The following NID1 variants were observed in gnomAD, a reference collection of about 807,000 sequenced individuals.
NID1 encodes nidogen-1.
In NID1, 76 loss-of-function variants were observed where a neutral mutation model predicts 130.6. The ratio of observed to expected loss-of-function variants is 0.58; its 90% CI spans 0.48 to 0.70. The LOEUF (loss-of-function observed/expected upper bound fraction) is 0.70. Among genes scored for constraint, NID1 ranks in the 30% least tolerant of loss-of-function variants. The pLI is 0.00. For synonymous variants in NID1, 665 were observed against 675.1 expected, an observed-to-expected ratio of 0.98 and a Z score of 0.23; for missense variants, 1,517 against 1,664.8, an observed-to-expected ratio of 0.91 and a Z score of 1.54.
At chr1:236,031,398 G>A (rs10803237) in intron 6 of NID1, among the ~76,000 whole-genome samples, 57,757 of 152,094 alleles carry the variant, frequency 0.38, 11,994 homozygotes, top group African/African-American at 0.54. Flanking sequence ...GATTACTGGC[G>A]TGAGCCACCA....
chr1:236,064,686 A>G, intron 1 of NID1, 169 bp downstream of exon 1: 1 of 657,636 alleles, frequency 1.5e-6, no homozygotes, highest in Non-Finnish European at 2.7e-6. Context: ...CGGGTCGGGA[A>G]GACCTTCGCG....
rs16833065 is a variant in NID1 at position 235,991,785 on chromosome 1, A to C, written c.2756-727T>G. 3.3e-3 allele frequency among the ~76,000 whole-genome samples: 507 copies of C among 152,304 alleles called. 3 individuals are homozygous for C. The highest frequency in any genetic ancestry group is 0.012 in the African/African-American group (481 of 41,558). ...CTGAACTCCCTGCCCACAGGGAGCCAGGTTCTAGTGCAAACTATTGAGCTT... is the reference window on the plus strand; with the variant it reads ...CTGAACTCCCTGCCCACAGGGAGCCCGGTTCTAGTGCAAACTATTGAGCTT... On this transcript the variant is annotated intron_variant, in intron 13 of 19. Transcript: ENST00000264187.
intron 1 of NID1, among the ~76,000 whole-genome samples, chr1:236,052,223 C>A (rs188225611): frequency 7.5e-4 from 115 of 152,360 alleles, no homozygotes; most frequent in Non-Finnish European, 1.3e-3. Context: ...GTGCAAGTCT[C>A]ATTTTGCAAA....
At chr1:235,990,842 A>C (rs1189806931) in intron 14 of NID1, 44 bp downstream of exon 14, 3 of 1,608,606 alleles carry the variant, frequency 1.9e-6, no homozygotes, top group African/African-American at 2.7e-5. Context: ...TTTCCAGGTC[A>C]CTGAAGCAGG....
chr1:236,063,281 G>A (rs1660093468), intron 1 of NID1, among the ~76,000 whole-genome samples: 1 of 151,794 alleles, frequency 6.6e-6, no homozygotes, highest in African/African-American at 2.4e-5. Flanking sequence ...AGACTAGCCT[G>A]GCCAACATGG....
At chr1:236,023,953 C>T (rs1658845712) in intron 9 of NID1, 117 bp downstream of exon 9, 9 of 1,338,548 alleles carry the variant, frequency 6.7e-6, no homozygotes, top group Non-Finnish European at 7.2e-6. Context: ...GGCATGTCCA[C>T]CAGTATTTAT....
At chr1:236,015,240 C>T (rs1044375766) in intron 10 of NID1, among the ~76,000 whole-genome samples, 4 of 152,224 alleles carry the variant, frequency 2.6e-5, no homozygotes, top group African/African-American at 9.7e-5. Flanking sequence ...TACTCAGTGA[C>T]AAGCCAGAGT....
chr1:235,979,553 A>G lies in NID1; in HGVS notation c.3509+269T>C, dbSNP rs1657370444. Reference sequence around the variant, plus strand: ...AAGAACAGACGTGCTGAGGAAGTCCAGGTTTAAAGACTTGAAACCACACAG... The same window carrying G: ...AAGAACAGACGTGCTGAGGAAGTCCGGGTTTAAAGACTTGAAACCACACAG... On this transcript the variant is annotated intron_variant, in intron 18 of 19. Coordinates refer to ENST00000264187, the MANE Select transcript of NID1 (RefSeq NM_002508.3). This position sits in a 1 kb window ranked among gnomAD's most constrained non-coding sequence, Gnocchi z 4.6. Among the ~76,000 whole-genome samples the G allele has an allele frequency of 6.6e-6, 1 of 152,362 alleles. No homozygotes were observed. The highest frequency in any genetic ancestry group is 6.5e-5 in the Admixed American group (1 of 15,306).
At chr1:236,013,310 T>C (rs1295022341) in intron 11 of NID1, 101 bp downstream of exon 11, 2 of 1,273,236 alleles carry the variant, frequency 1.6e-6, no homozygotes, top group Non-Finnish European at 2.2e-6. Flanking sequence ...AGAAGAATTC[T>C]TTCTTCTATT....
chr1:236,012,063 C>A lies in NID1; in HGVS notation c.2405-20G>T, dbSNP rs1418103431. On this transcript the variant is annotated intron_variant, in intron 11 of 19. Transcript: ENST00000264187. ...CTACATCTGTAAAACAGCCACCAGGCCCAGGGACAATGAGATTTCTTCTGG... is the reference window on the plus strand; with the variant it reads ...CTACATCTGTAAAACAGCCACCAGGACCAGGGACAATGAGATTTCTTCTGG... 1.2e-6 allele frequency: 2 copies of A among 1,602,366 alleles called. No homozygotes were observed. The highest frequency in any genetic ancestry group is 2.7e-5 in the African/African-American group (2 of 74,754).
intron 3 of NID1, among the ~76,000 whole-genome samples, chr1:236,043,537 A>G (rs1027982908): frequency 5.0e-4 from 76 of 152,194 alleles, no homozygotes; most frequent in South Asian, 2.1e-3. Flanking sequence ...GGTGGCTCAC[A>G]CCTGTAATCC....
Position 236,017,153 on chromosome 1 carries a change from C to T in NID1, c.2249G>A (p.Cys750Tyr), listed in dbSNP as rs1252173011. The T allele has an allele frequency of 2.5e-6, 4 of 1,614,068 alleles. No individual in the cohort carries two copies. In the South Asian group the frequency reaches 4.4e-5, roughly 18 times the overall value. Residue 750 changes from cysteine to tyrosine, a missense_variant, in exon 10 of 20, where the codon TGT (cysteine) becomes TAT (tyrosine). Cys to Tyr is a radical substitution (Grantham distance 194). Around this residue, in one of 3 missense-constraint regions of NID1, gnomAD observed 1,329 missense variants for 1,429.2 expected, o/e 0.93. Transcript: ENST00000264187. The stretch of plus-strand genomic sequence containing the variant: ...AAGTTACCTGGAGAACTTACCCACA[C>T]ACGTTCCCTCATCTGAAAACTGGTA... Reference protein sequence around the residue: ...EGYQFSDEGTCVAVVDQRPIN... With the variant: ...EGYQFSDEGTYVAVVDQRPIN...
At chr1:236,001,033 C>T (rs2102807534) in intron 12 of NID1, among the ~76,000 whole-genome samples, 1 of 152,260 alleles carries the variant, frequency 6.6e-6, no homozygotes, top group South Asian at 2.1e-4. Flanking sequence ...TGAGCATGCA[C>T]CTCTGGGACA....
chr1:235,995,628 C>T (rs1322350080), intron 12 of NID1, among the ~76,000 whole-genome samples: 1 of 152,230 alleles, frequency 6.6e-6, no homozygotes, highest in East Asian at 1.9e-4. Flanking sequence ...CCAGGCCTTT[C>T]CACGTGCTAT....
In NID1 at chr1:236,016,632, G is replaced by A. The variant is rs571602767; in HGVS notation, c.2254+516C>T. On this transcript the variant is annotated intron_variant, in intron 10 of 19. Coordinates refer to ENST00000264187, the MANE Select transcript of NID1 (RefSeq NM_002508.3). The stretch of plus-strand genomic sequence containing the variant: ...AGCATAATTAACCTAATTAATAGCC[G>A]CAACTTACTTCTATAAGGCTAAGAA... 1.1e-4 allele frequency among the ~76,000 whole-genome samples: 17 copies of A among 152,210 alleles called. 1 individual carries two copies. Among genetic ancestry groups the A allele is most frequent in the African/African-American group, 2.6e-4 (11 of 41,530 alleles).
At chr1:236,064,733 G>C in intron 1 of NID1, 122 bp downstream of exon 1, 1 of 814,568 alleles carries the variant, frequency 1.2e-6, no homozygotes, top group Non-Finnish European at 1.9e-6. Flanking sequence ...GCCGTGCCCG[G>C]TGCCCCGGCG....
chr1:236,016,016 A>G (rs1181884498), intron 10 of NID1, among the ~76,000 whole-genome samples: 1 of 152,154 alleles, frequency 6.6e-6, no homozygotes, highest in Non-Finnish European at 1.5e-5. Context: ...CCAAGGGATA[A>G]AGTATCCACT....
Position 235,979,919 on chromosome 1 carries a change from G to A in NID1, c.3412C>T (p.Pro1138Ser). The A allele has an allele frequency of 6.2e-7, 1 of 1,614,100 alleles. No homozygotes were observed. The highest frequency in any genetic ancestry group is 8.5e-7 in the Non-Finnish European group (1 of 1,179,982). Residue 1138 changes from proline to serine, a missense_variant, in exon 18 of 20, where the codon CCC (proline) becomes TCC (serine). Coordinates refer to ENST00000264187, the MANE Select transcript of NID1 (RefSeq NM_002508.3). This position sits in a 1 kb window ranked among gnomAD's most constrained non-coding sequence, Gnocchi z 4.6. ...GCCTTGCGTCTGCTGGGCTGACTGG[G>A]GTTCAGGCATTCCGCCCGATTGGTG... ...AGTNRAECLN[P>S]SQPSRRKALE...
chr1:236,024,362 C>T (rs1437125297), intron 8 of NID1, 149 bp from the exon 9 acceptor site: 3 of 938,860 alleles, frequency 3.2e-6, no homozygotes, highest in Admixed American at 5.3e-5. Flanking sequence ...TCCTGTGTTG[C>T]CCTGGGGCAG....
Sources: allele counts gnomAD v4.1 joint callset (sites outside exome capture counted in the v4.1 genomes callset), GRCh38; gene constraint gnomAD v4.1.1; regional missense constraint gnomAD v4.1.1; non-coding constraint Gnocchi (gnomAD v3.1); transcripts MANE v1.5; gene names NCBI Gene and HGNC (gene_info 2026-07-23, HGNC 2026-07-21).